BACH2: variants seen among roughly 807,000 people sequenced by gnomAD.
The protein encoded by BACH2 is BACH transcriptional regulator 2.
Under a neutral mutation model 61.8 loss-of-function variants are expected in BACH2, and 5 were observed. That is an observed-to-expected ratio of 0.08 (90% confidence interval 0.04 to 0.17). The LOEUF (loss-of-function observed/expected upper bound fraction) is 0.17, where lower values mean the gene tolerates loss of function less well. BACH2 is among the 10% of genes least tolerant of loss of function. The probability of loss-of-function intolerance (pLI) is 1.00; values close to 1 mark genes in which losing one functional copy is unlikely to be tolerated. For synonymous variants in BACH2, 446 were observed against 440.1 expected, an observed-to-expected ratio of 1.01 and a Z score of -0.17; for missense variants, 824 against 1,091.1, an observed-to-expected ratio of 0.76 and a Z score of 3.45.
chr6:90,157,922 T>A (rs935128422), intron 4 of BACH2, among the ~76,000 whole-genome samples: 15 of 152,080 alleles, frequency 9.9e-5, no homozygotes, highest in African/African-American at 3.6e-4. Context: ...CAGACATTAA[T>A]GAAATAATTA....
At position 89,951,636 on chromosome 6, in the gene BACH2, T is replaced by C. The variant is rs567759599; in HGVS notation, c.470A>G (p.Glu157Gly). The part of the protein sequence containing the change: ...AACQRPHEDC[E>G]NSAGEEEDEE... ...ATCCTCCTCCTCTCCTGCAGAGTTC[T>C]CGCAGTCCTCGTGTGGGCGCTGGCA... is the stretch of plus-strand genomic sequence containing the variant. Residue 157 changes from glutamate (E) to glycine (G), a missense_variant, in exon 7 of 9, where the codon GAG becomes GGG. Physicochemically the swap from Glu to Gly is moderately conservative, Grantham distance 98. Coordinates refer to ENST00000257749, the MANE Select transcript of BACH2 (RefSeq NM_021813.4). The surrounding 1 kb of genome is among the most constrained non-coding windows in gnomAD (Gnocchi z 6.4). The C allele has an allele frequency of 9.9e-6, 16 of 1,614,242 alleles. No individual in the cohort carries two copies. The South Asian group carries it at 1.6e-4, about 17-fold the overall frequency.
intron 4 of BACH2, among the ~76,000 whole-genome samples, chr6:90,151,322 T>C (rs560525898): frequency 6.6e-6 from 1 of 152,334 alleles, no homozygotes; most frequent in South Asian, 2.1e-4. Flanking sequence ...TCTTGCTCTG[T>C]TGCCCAGGCT....
intron 4 of BACH2, among the ~76,000 whole-genome samples, chr6:90,140,424 G>T (rs1479002126): frequency 6.6e-6 from 1 of 152,122 alleles, no homozygotes; most frequent in Admixed American, 6.6e-5. Flanking sequence ...GGAATAAAAA[G>T]AACACAATTA....
chr6:89,979,278 A>G (rs1775824480), intron 6 of BACH2, among the ~76,000 whole-genome samples: 1 of 152,176 alleles, frequency 6.6e-6, no homozygotes, highest in African/African-American at 2.4e-5. Context: ...TGCCTCTAGA[A>G]CTTTGCTAAA....
chr6:89,970,195 A>C (rs1249555841), intron 6 of BACH2, among the ~76,000 whole-genome samples: 2 of 152,250 alleles, frequency 1.3e-5, no homozygotes, highest in African/African-American at 4.8e-5. Flanking sequence ...GGCCCTGTGA[A>C]GTACAGGCCA....
At chr6:89,980,292 T>G (rs1775879478) in intron 6 of BACH2, among the ~76,000 whole-genome samples, 1 of 133,198 alleles carries the variant, frequency 7.5e-6, no homozygotes, top group Non-Finnish European at 1.7e-5. Context: ...AGACTCTGTC[T>G]CAAAAAAAAA....
intron 5 of BACH2, among the ~76,000 whole-genome samples, chr6:90,012,044 C>T (rs764725577): frequency 8.0e-5 from 12 of 150,744 alleles, no homozygotes; most frequent in Middle Eastern, 3.2e-3. Flanking sequence ...GATCCTCCTA[C>T]CTCAGCCTCC....
At chr6:90,070,777 A>G (rs1781189271) in intron 5 of BACH2, among the ~76,000 whole-genome samples, 1 of 152,186 alleles carries the variant, frequency 6.6e-6, no homozygotes, top group Admixed American at 6.5e-5. Flanking sequence ...AATTTCTTTT[A>G]GTTCTGCTTT....
At chr6:90,217,161 GCTT>G (rs1769565964) in intron 3 of BACH2, among the ~76,000 whole-genome samples, 1 of 152,184 alleles carries the variant, frequency 6.6e-6, no homozygotes, top group Non-Finnish European at 1.5e-5. Flanking sequence ...AAGTGGAACA[GCTT>G]CAGTGTTGGA....
chr6:90,095,340 G>T (rs1041060116), intron 4 of BACH2, among the ~76,000 whole-genome samples: 1 of 152,000 alleles, frequency 6.6e-6, no homozygotes, highest in Non-Finnish European at 1.5e-5. Context: ...TATTCTACTG[G>T]CATGGAAAGG....
At chr6:89,952,807 A>G (rs561510219) in intron 6 of BACH2, 2 of 152,358 alleles carry the variant, frequency 1.3e-5, no homozygotes, top group African/African-American at 4.8e-5. Flanking sequence ...GCCCACACGC[A>G]TGCCTGCTCA....
intron 4 of BACH2, among the ~76,000 whole-genome samples, chr6:90,098,383 C>T (rs1201267008): frequency 6.6e-6 from 1 of 151,722 alleles, no homozygotes; most frequent in African/African-American, 2.4e-5. Context: ...AGGACAGAAT[C>T]AGACAGCACT....
chr6:89,974,120 AAC>A (rs1192242720), intron 6 of BACH2, among the ~76,000 whole-genome samples: 3 of 152,044 alleles, frequency 2.0e-5, no homozygotes, highest in Admixed American at 2.0e-4. Flanking sequence ...ACCTGTTAAA[AAC>A]ACAGACATTT....
At chr6:89,949,727 C>T (rs973312257) in intron 7 of BACH2, among the ~76,000 whole-genome samples, 2 of 152,264 alleles carry the variant, frequency 1.3e-5, no homozygotes, top group South Asian at 2.1e-4. Flanking sequence ...CCGGGATAAA[C>T]GGTGAGGCTT....
intron 1 of BACH2, among the ~76,000 whole-genome samples, chr6:90,284,802 T>C (rs987346181): frequency 1.3e-5 from 2 of 152,230 alleles, no homozygotes; most frequent in Admixed American, 6.5e-5. Context: ...ACCACATGTT[T>C]TGAAGGTCTT....
chr6:90,112,575 A>C (rs1201118360), intron 4 of BACH2, among the ~76,000 whole-genome samples: 1 of 152,218 alleles, frequency 6.6e-6, no homozygotes, highest in Non-Finnish European at 1.5e-5. Flanking sequence ...TTATCACCAG[A>C]CCTGCCTTAC....
intron 1 of BACH2, among the ~76,000 whole-genome samples, chr6:90,274,765 T>C (rs891565183): frequency 2.6e-5 from 4 of 152,244 alleles, no homozygotes; most frequent in Non-Finnish European, 5.9e-5. Context: ...GATTCTGTCA[T>C]TGAGACCTGA....
intron 8 of BACH2, among the ~76,000 whole-genome samples, chr6:89,935,892 G>A (rs1772992448): frequency 6.6e-6 from 1 of 152,196 alleles, no homozygotes. Flanking sequence ...AACTACCTAA[G>A]CCCAGCAGGC....
At chr6:90,165,162 A>G (rs1767564923) in intron 4 of BACH2, among the ~76,000 whole-genome samples, 1 of 152,124 alleles carries the variant, frequency 6.6e-6, no homozygotes, top group South Asian at 2.1e-4. Context: ...TATCTAGAAA[A>G]CCCCATCATC....
Sources: gnomAD v4.1 joint callset for allele counts (sites outside exome capture counted in the v4.1 genomes callset) on GRCh38, gnomAD v4.1.1 for gene constraint, Gnocchi (gnomAD v3.1) non-coding constraint, MANE v1.5 for transcripts, NCBI Gene and HGNC (gene_info 2026-07-23, HGNC 2026-07-21) for gene names.